MEF2B: variants seen among roughly 807,000 people sequenced by gnomAD.
MEF2B encodes the protein myocyte enhancer factor 2B, also known as myocyte-specific enhancer factor 2B.
A neutral mutation model predicts 32.2 loss-of-function variants in MEF2B; 15 were observed. The ratio of observed to expected loss-of-function variants is 0.47; its 90% CI spans 0.31 to 0.72. The LOEUF (loss-of-function observed/expected upper bound fraction) is 0.72. Ranked by LOEUF, MEF2B falls within the 30% of genes least tolerant of loss-of-function variation. The pLI is 0.05. For synonymous variants in MEF2B, 205 were observed against 225.6 expected, an observed-to-expected ratio of 0.91 and a Z score of 0.82; for missense variants, 441 against 511.5, an observed-to-expected ratio of 0.86 and a Z score of 1.33.
At chr19:19,163,625 AAC>A (rs2060184543) in intron 1 of MEF2B, among the ~76,000 whole-genome samples, 1 of 152,128 alleles carries the variant, frequency 6.6e-6, no homozygotes, top group Non-Finnish European at 1.5e-5. Context: ...AGACAGAAGA[AAC>A]ACTGCCAACT....
chr19:19,156,212 A>T (rs567371663), intron 1 of MEF2B, among the ~76,000 whole-genome samples: 1 of 152,294 alleles, frequency 6.6e-6, no homozygotes, highest in Non-Finnish European at 1.5e-5. Context: ...AAGCTTAAGT[A>T]GACCAACAAC....
intron 1 of MEF2B, among the ~76,000 whole-genome samples, chr19:19,154,062 C>A (rs1323279111): frequency 1.3e-5 from 2 of 151,528 alleles, no homozygotes; most frequent in East Asian, 2.0e-4. Flanking sequence ...CCACTGTGGG[C>A]CTTCTGAGCT....
chr19:19,147,947 G>A (rs1364832101), intron 3 of MEF2B, 115 bp from the exon 4 acceptor site: 14 of 1,458,366 alleles, frequency 9.6e-6, no homozygotes, highest in Non-Finnish European at 1.2e-5. Flanking sequence ...GGGGAGGAAT[G>A]CAGGCATGGC....
At chr19:19,165,395 A>T (rs1038865773) in intron 1 of MEF2B, among the ~76,000 whole-genome samples, 1 of 152,066 alleles carries the variant, frequency 6.6e-6, no homozygotes, top group African/African-American at 2.4e-5. Context: ...GTGAGCCGAG[A>T]TCGCACCACT....
intron 3 of MEF2B, among the ~76,000 whole-genome samples, chr19:19,148,723 A>T (rs905525764): frequency 3.4e-5 from 4 of 118,938 alleles, no homozygotes; most frequent in Admixed American, 8.8e-5. Context: ...TTATTTATTT[A>T]TTTTTTGAGA....
chr19:19,160,733 G>A (rs1179298393), intron 1 of MEF2B, among the ~76,000 whole-genome samples: 1 of 152,100 alleles, frequency 6.6e-6, no homozygotes, highest in African/African-American at 2.4e-5. Context: ...ACGCAACCCA[G>A]GCTGTGGTTT....
intron 4 of MEF2B, 27 bp from the exon 5 acceptor site, chr19:19,147,210 A>C: frequency 7.3e-7 from 1 of 1,364,954 alleles, no homozygotes; most frequent in Non-Finnish European, 9.8e-7. Flanking sequence ...GATGGGTCAG[A>C]GGACCCCAGG....
intron 5 of MEF2B, 44 bp downstream of exon 5, chr19:19,146,992 C>G: frequency 6.4e-7 from 1 of 1,564,288 alleles, no homozygotes; most frequent in Non-Finnish European, 8.7e-7. Context: ...TGCACCCAAA[C>G]AGCCCCTCAG....
chr19:19,165,158 A>T (rs1208788944), intron 1 of MEF2B, among the ~76,000 whole-genome samples: 2 of 152,076 alleles, frequency 1.3e-5, no homozygotes, highest in Admixed American at 1.3e-4. Flanking sequence ...TGGGCAGAGC[A>T]AGGCCTCCCC....
Position 19,145,878 on chromosome 19 carries a change from G to A in MEF2B, c.1026C>T (p.Leu342=), listed in dbSNP as rs777781649. 205 of 1,473,608 alleles carry A rather than the reference G, an allele frequency of 1.4e-4. No individual in the cohort carries two copies. The highest frequency in any genetic ancestry group is 1.8e-4 in the Non-Finnish European group (204 of 1,110,616). 91.3% of individuals were successfully genotyped at this position (1,473,608 alleles called of 1,614,324 possible). Residue 342 remains leucine, a synonymous_variant, in exon 9 of 9, where the codon CTC becomes CTT. Transcript: ENST00000424583. This position sits in a 1 kb window ranked among gnomAD's most constrained non-coding sequence, Gnocchi z 4.6. ...DFPKTFPYPL[L]LARSLAEPLR... ...GAGGCTCTGCCAGGGACCGGGCGAG[G>A]AGCAAGGGATAGGGGAAGGTCTTAG...
At chr19:19,154,408 C>T (rs542814768) in intron 1 of MEF2B, among the ~76,000 whole-genome samples, 10 of 151,978 alleles carry the variant, frequency 6.6e-5, no homozygotes, top group South Asian at 2.1e-4. Context: ...ATGATCCGCC[C>T]GCCTTGGCCT....
intron 1 of MEF2B, among the ~76,000 whole-genome samples, chr19:19,161,854 C>T (rs1055147031): frequency 1.1e-4 from 16 of 151,104 alleles, no homozygotes; most frequent in African/African-American, 3.9e-4. Flanking sequence ...GTCACCCAGG[C>T]TGGAGTGCAG....
rs1442973979 is a variant in MEF2B at position 19,146,693 on chromosome 19, G to A, written c.676-45C>T. 3 of 1,613,452 alleles carry A rather than the reference G, an allele frequency of 1.9e-6. No homozygotes were observed. The African/African-American group carries it at 4.0e-5, about 22-fold the overall frequency. ...AGGGGAAACTGAGGCCCACACCCAG[G>A]TCGCCCTGCCTGCCCTCATCAGCCC... On this transcript the variant is annotated intron_variant, in intron 6 of 8. Transcript: ENST00000424583.
chr19:19,160,235 G>T (rs530769984), intron 1 of MEF2B, among the ~76,000 whole-genome samples: 2 of 152,160 alleles, frequency 1.3e-5, no homozygotes, highest in South Asian at 2.1e-4. Context: ...CTCCCAAAGT[G>T]CTGGGATTAC....
At chr19:19,166,031 C>T (rs561741064) in intron 1 of MEF2B, among the ~76,000 whole-genome samples, 4 of 152,236 alleles carry the variant, frequency 2.6e-5, no homozygotes, top group South Asian at 2.1e-4. Context: ...GCCCACACCC[C>T]GCCTCATTTA....
At position 19,147,810 on chromosome 19, in the gene MEF2B, C is replaced by A; in HGVS notation, c.281G>T (p.Gly94Val). The change falls in exon 4 of 9, where the codon GGC becomes GTC. Residue 94 changes from glycine (G) to valine (V), a missense_variant. Gly to Val is a moderately radical substitution (Grantham distance 109). Transcript: ENST00000424583. ...ILETLKRRGI[G>V]LDGPELEPDE... Reference sequence around the variant, plus strand: ...CGGCTCCAGCTCTGGCCCATCGAGGCCAATGCCCCTCCGCTTCAGCGTCTA... The same window carrying A: ...CGGCTCCAGCTCTGGCCCATCGAGGACAATGCCCCTCCGCTTCAGCGTCTA... 1 of 1,613,554 alleles carries A rather than the reference C, an allele frequency of 6.2e-7. No homozygotes were observed. The highest frequency in any genetic ancestry group is 8.5e-7 in the Non-Finnish European group (1 of 1,179,936).
chr19:19,166,597 T>TTA (rs563834964), intron 1 of MEF2B, among the ~76,000 whole-genome samples: 15 of 130,204 alleles, frequency 1.2e-4, no homozygotes, highest in African/African-American at 3.8e-4. Context: ...CATCTCCAAT[T>TTA]AAAAAAAAAA....
Position 19,150,742 on chromosome 19 carries a change from A to G in MEF2B, c.-7T>C, listed in dbSNP as rs778560876. 1.2e-6 allele frequency: 2 copies of G among 1,614,106 alleles called. No individual in the cohort carries two copies. The highest frequency in any genetic ancestry group is 2.2e-5 in the South Asian group (2 of 91,084). On this transcript the variant is annotated 5_prime_UTR_variant, in exon 2 of 9. Transcript: ENST00000424583. ...GGATTTTTTTCCTCCCCATCGTCCC[A>G]GGCTGAGTGGAATGATCTTTGTCTA...
At chr19:19,167,704 G>A (rs930927682) in intron 1 of MEF2B, among the ~76,000 whole-genome samples, 16 of 152,204 alleles carry the variant, frequency 1.1e-4, no homozygotes, top group African/African-American at 3.6e-4. Context: ...TAAATCATTC[G>A]TTGGGATGGG....
Sources: allele counts gnomAD v4.1 joint callset (sites outside exome capture counted in the v4.1 genomes callset), GRCh38; gene constraint gnomAD v4.1.1; non-coding constraint Gnocchi (gnomAD v3.1); transcripts MANE v1.5; gene names NCBI Gene and HGNC (gene_info 2026-07-23, HGNC 2026-07-21).